SYDE1: variants seen among roughly 807,000 people sequenced by gnomAD.
SYDE1 encodes rho GTPase-activating protein SYDE1.
Under a neutral mutation model 63.3 loss-of-function variants are expected in SYDE1, and 34 were observed. The observed-to-expected ratio is 0.54, with a 90% CI of 0.41 to 0.71. The LOEUF is 0.71. SYDE1 is among the 30% of genes least tolerant of loss of function. The pLI is 0.00. For missense variants in SYDE1, 925 were observed against 1,042.5 expected, an observed-to-expected ratio of 0.89 and a Z score of 1.55; for synonymous variants, 467 against 473.4, an observed-to-expected ratio of 0.99 and a Z score of 0.18.
Position 15,107,535 on chromosome 19 carries a change from G to A in SYDE1, c.88+14G>A. The A allele has an allele frequency of 2.0e-6, 3 of 1,534,280 alleles. No individual in the cohort carries two copies. The highest frequency in any genetic ancestry group is 2.4e-5 in the South Asian group (2 of 83,854). On this transcript the variant is annotated intron_variant, in intron 1 of 7. Coordinates refer to ENST00000342784, the MANE Select transcript of SYDE1 (RefSeq NM_033025.6). ...CCAAGGAGCGCGGTAAGCGGAGATCGGTGGGGAACAGGGGGCGCCGAGCCC... is the reference window on the plus strand; with the variant it reads ...CCAAGGAGCGCGGTAAGCGGAGATCAGTGGGGAACAGGGGGCGCCGAGCCC...
intron 7 of SYDE1, 86 bp from the exon 8 acceptor site, chr19:15,113,474 C>T: frequency 4.8e-6 from 7 of 1,455,270 alleles, no homozygotes; most frequent in Non-Finnish European, 6.4e-6. Flanking sequence ...CCGCTTTCCA[C>T]AGGCCAATCA....
Position 15,109,695 on chromosome 19 carries a change from T to G in SYDE1, c.431-9T>G. The G allele has an allele frequency of 6.8e-7, 1 of 1,474,916 alleles. No individual in the cohort carries two copies. Among genetic ancestry groups the G allele is most frequent in the Non-Finnish European group, 9.0e-7 (1 of 1,110,264 alleles). 91.4% of individuals were successfully genotyped at this position (1,474,916 alleles called of 1,614,324 possible). On this transcript the variant is annotated splice_polypyrimidine_tract_variant and intron_variant, in intron 2 of 7. Transcript: ENST00000342784. This position sits in a 1 kb window ranked among gnomAD's most constrained non-coding sequence, Gnocchi z 5.0. Reference sequence around the variant, plus strand: ...GGTTCCTGGACCCTGAAGTCTGCTCTCCACACAGGTGCAGCCCCCGCCAGC... The same window carrying G: ...GGTTCCTGGACCCTGAAGTCTGCTCGCCACACAGGTGCAGCCCCCGCCAGC...
In SYDE1 at chr19:15,110,362, C is replaced by T; in HGVS notation, c.1075+14C>T. On this transcript the variant is annotated intron_variant, in intron 3 of 7. Transcript: ENST00000342784. This position sits in a 1 kb window ranked among gnomAD's most constrained non-coding sequence, Gnocchi z 6.9. ...CGGTCTTCCGAGGTAGGACATGCGG[C>T]TGCAGGGGAGGAGGGGCAGGGACCC... The T allele has an allele frequency of 2.1e-6, 3 of 1,435,280 alleles. No individual in the cohort carries two copies. The highest frequency in any genetic ancestry group is 2.7e-6 in the Non-Finnish European group (3 of 1,095,926). The allele number at this position is 1,435,280 out of a possible 1,614,324, so 88.9% of individuals were successfully genotyped here. A position where few individuals can be genotyped will look rare whatever the true frequency, so the allele number is the denominator to read the frequency against.
chr19:15,112,452 T>A lies in SYDE1; in HGVS notation c.1685T>A (p.Leu562Gln). 1 of 1,603,480 alleles carries A rather than the reference T, an allele frequency of 6.2e-7. No individual in the cohort carries two copies. The highest frequency in any genetic ancestry group is 8.5e-7 in the Non-Finnish European group (1 of 1,175,472). The change falls in exon 7 of 8, where the codon CTG (leucine) becomes CAG (glutamine). Residue 562 changes from leucine to glutamine, a missense_variant. Physicochemically the swap from Leu to Gln is moderately radical, Grantham distance 113. This residue lies in a region of SYDE1 where 255 missense variants were observed against 255.9 expected (regional missense o/e 1.00). Transcript: ENST00000342784. ...GCCGTGTGCTTCGGGCCTGTGCTGC[T>A]GCCGGCACGCCAGGCGCCCACAAGG... The part of the protein sequence containing the change: ...NLAVCFGPVL[L>Q]PARQAPTRPR...
Position 15,110,606 on chromosome 19 carries a change from C to T in SYDE1, c.1161C>T (p.Ala387=), listed in dbSNP as rs1304232688. The change falls in exon 4 of 8, where the codon GCC becomes GCT. Residue 387 remains alanine, a synonymous_variant. Transcript: ENST00000342784. This position sits in a 1 kb window ranked among gnomAD's most constrained non-coding sequence, Gnocchi z 6.9. ...AKLTLSEQQE[A]PATAEPRVFG... is the part of the protein sequence containing the mutation. ...TGACCCTGTCGGAGCAGCAGGAAGC[C>T]CCTGCCACAGCTGAGCCCCGCGTCT... 1.3e-6 allele frequency: 2 copies of T among 1,596,400 alleles called. No homozygotes were observed. The highest frequency in any genetic ancestry group is 1.7e-6 in the Non-Finnish European group (2 of 1,173,652).
rs753753794 is a variant in SYDE1 at position 15,110,676 on chromosome 19, G to C, written c.1231G>C (p.Gly411Arg). Residue 411 changes from glycine (G) to arginine (R), a missense_variant, in exon 4 of 8, where the codon GGC becomes CGC. Gly to Arg is a moderately radical substitution (Grantham distance 125). This residue lies in a region of SYDE1 where 599 missense variants were observed against 653.7 expected (regional missense o/e 0.92). Transcript: ENST00000342784. The surrounding 1 kb of genome is among the most constrained non-coding windows in gnomAD (Gnocchi z 6.9). ...PLLVERERPP[G>R]QVPLIIQKCV... ...GCTGGTGGAGCGGGAGCGGCCCCCC[G>C]GCCAGGTGCCCCTCATCATCCAGAA... The C allele has an allele frequency of 1.3e-6, 2 of 1,583,092 alleles. No individual in the cohort carries two copies. The highest frequency in any genetic ancestry group is 1.1e-5 in the South Asian group (1 of 87,038).
rs1320673505 is a variant in SYDE1 at position 15,111,286 on chromosome 19, A to G, written c.1291-27A>G. The stretch of plus-strand genomic sequence containing the variant: ...ATTAGTCTGTGGCCCCGGCAAGAAG[A>G]CATTCACTCTCTCTTCCCACCCCCA... On this transcript the variant is annotated intron_variant, in intron 4 of 7. Coordinates refer to ENST00000342784, the MANE Select transcript of SYDE1 (RefSeq NM_033025.6). This position sits in a 1 kb window ranked among gnomAD's most constrained non-coding sequence, Gnocchi z 5.5. 1.2e-6 allele frequency: 2 copies of G among 1,612,992 alleles called. No homozygotes were observed. The highest frequency in any genetic ancestry group is 2.2e-5 in the South Asian group (2 of 91,022).
chr19:15,109,008 C>T lies in SYDE1; in HGVS notation c.89-48C>T. The T allele has an allele frequency of 6.9e-7, 1 of 1,445,562 alleles. No homozygotes were observed. Among genetic ancestry groups the T allele is most frequent in the Non-Finnish European group, 9.0e-7 (1 of 1,105,578 alleles). The allele number at this position is 1,445,562 out of a possible 1,614,324, so 89.5% of individuals were successfully genotyped here. On this transcript the variant is annotated intron_variant, in intron 1 of 7. Transcript: ENST00000342784. This position sits in a 1 kb window ranked among gnomAD's most constrained non-coding sequence, Gnocchi z 5.0. The stretch of plus-strand genomic sequence containing the variant: ...TGATCAATTGCACAGGGCTGCTCTG[C>T]AGGCAGTGAGGGGCTGGGTGGGTCT...
Position 15,110,458 on chromosome 19 carries a change from C to A in SYDE1, c.1076-63C>A. On this transcript the variant is annotated intron_variant, in intron 3 of 7. Coordinates refer to ENST00000342784, the MANE Select transcript of SYDE1 (RefSeq NM_033025.6). This position sits in a 1 kb window ranked among gnomAD's most constrained non-coding sequence, Gnocchi z 6.9. ...TCCGGGCGGAAGGTGTGGCCTGGAG[C>A]AGCGAGGCCAGGGTACATGAAGCTT... is the stretch of plus-strand genomic sequence containing the variant. 6.7e-7 allele frequency: 1 copy of A among 1,503,010 alleles called. No homozygotes were observed. The highest frequency in any genetic ancestry group is 8.9e-7 in the Non-Finnish European group (1 of 1,120,116). 93.1% of individuals were successfully genotyped at this position (1,503,010 alleles called of 1,614,324 possible).
chr19:15,110,452 C>A lies in SYDE1; in HGVS notation c.1076-69C>A. 6.7e-7 allele frequency: 1 copy of A among 1,502,854 alleles called. No homozygotes were observed. Among genetic ancestry groups the A allele is most frequent in the South Asian group, 1.2e-5 (1 of 80,804 alleles). 93.1% of individuals were successfully genotyped at this position (1,502,854 alleles called of 1,614,324 possible). A position where few individuals can be genotyped will look rare whatever the true frequency, so the allele number is the denominator to read the frequency against. On this transcript the variant is annotated intron_variant, in intron 3 of 7. Coordinates refer to ENST00000342784, the MANE Select transcript of SYDE1 (RefSeq NM_033025.6). This position sits in a 1 kb window ranked among gnomAD's most constrained non-coding sequence, Gnocchi z 6.9. Reference sequence around the variant, plus strand: ...CTGGGCTCCGGGCGGAAGGTGTGGCCTGGAGCAGCGAGGCCAGGGTACATG... The same window carrying A: ...CTGGGCTCCGGGCGGAAGGTGTGGCATGGAGCAGCGAGGCCAGGGTACATG...
rs35125109 is a variant in SYDE1 at position 15,114,627 on chromosome 19, G to GCCCCCCCCCCC, written c.*665_*675dup. On this transcript the variant is annotated 3_prime_UTR_variant, in exon 8 of 8. Transcript: ENST00000342784. ...ATCCCCATCTCCTTGCCCCCCCCTTGCCCCCCCCCCCGAAAAAAATTGAGC... is the reference window on the plus strand; with the variant it reads ...ATCCCCATCTCCTTGCCCCCCCCTTGCCCCCCCCCCCCCCCCCCCCCCGAAAAAAATTGAGC... 1 of 94,808 alleles carries GCCCCCCCCCCC rather than the reference G, an allele frequency of 1.1e-5. No individual in the cohort carries two copies. Among genetic ancestry groups the GCCCCCCCCCCC allele is most frequent in the Admixed American group, 1.2e-4 (1 of 8,150 alleles). 5.9% of individuals were successfully genotyped at this position (94,808 alleles called of 1,614,324 possible). A position where few individuals can be genotyped will look rare whatever the true frequency, so the allele number is the denominator to read the frequency against.
chr19:15,113,739 T>C lies in SYDE1; in HGVS notation c.1984T>C (p.Phe662Leu). 1 of 1,613,776 alleles carries C rather than the reference T, an allele frequency of 6.2e-7. No individual in the cohort carries two copies. The highest frequency in any genetic ancestry group is 1.7e-5 in the Admixed American group (1 of 60,010). The change falls in exon 8 of 8, where the codon TTC (phenylalanine) becomes CTC (leucine). Residue 662 changes from phenylalanine to leucine, a missense_variant. Physicochemically the swap from Phe to Leu is conservative, Grantham distance 22 (BLOSUM62 0). Coordinates refer to ENST00000342784, the MANE Select transcript of SYDE1 (RefSeq NM_033025.6). Reference sequence around the variant, plus strand: ...CGACTGGAGCGTTTGCGGGCGGGACTTCCTGCCCTGTGGGCGGGATTTCCT... The same window carrying C: ...CGACTGGAGCGTTTGCGGGCGGGACCTCCTGCCCTGTGGGCGGGATTTCCT... ...AGDWSVCGRDFLPCGRDFLSG... is the reference protein window; with the variant it reads ...AGDWSVCGRDLLPCGRDFLSG...
rs2046327896 is a variant in SYDE1 at position 15,109,501 on chromosome 19, C to T, written c.430+104C>T. The T allele has an allele frequency of 7.6e-7, 1 of 1,315,524 alleles. No individual in the cohort carries two copies. The highest frequency in any genetic ancestry group is 1.5e-5 in the South Asian group (1 of 65,190). 81.5% of individuals were successfully genotyped at this position (1,315,524 alleles called of 1,614,324 possible). A position where few individuals can be genotyped will look rare whatever the true frequency, so the allele number is the denominator to read the frequency against. Reference sequence around the variant, plus strand: ...CACACTCCCTCCTCCCAGAGGAGCACCAACCTCACACTCCTTCCCTTCAGG... The same window carrying T: ...CACACTCCCTCCTCCCAGAGGAGCATCAACCTCACACTCCTTCCCTTCAGG... On this transcript the variant is annotated intron_variant, in intron 2 of 7. Transcript: ENST00000342784. This position sits in a 1 kb window ranked among gnomAD's most constrained non-coding sequence, Gnocchi z 5.0.
At position 15,111,609 on chromosome 19, in the gene SYDE1, C is replaced by T; in HGVS notation, c.1418-23C>T. 6.2e-7 allele frequency: 1 copy of T among 1,613,298 alleles called. No homozygotes were observed. Among genetic ancestry groups the T allele is most frequent in the Non-Finnish European group, 8.5e-7 (1 of 1,179,792 alleles). ...CCTTAGAAGCCAGTGGTGCCCTGACCAGAGGGGACCCTGTGTTCACAGGCA... is the reference window on the plus strand; with the variant it reads ...CCTTAGAAGCCAGTGGTGCCCTGACTAGAGGGGACCCTGTGTTCACAGGCA... On this transcript the variant is annotated intron_variant, in intron 5 of 7. Transcript: ENST00000342784. The surrounding 1 kb of genome is among the most constrained non-coding windows in gnomAD (Gnocchi z 5.5).
intron 7 of SYDE1, among the ~76,000 whole-genome samples, chr19:15,113,129 C>T (rs2046356337): frequency 6.6e-6 from 1 of 152,206 alleles, no homozygotes; most frequent in South Asian, 2.1e-4. Flanking sequence ...GTCTTGAACT[C>T]CTGACCTCAA....
rs1469781110 is a variant in SYDE1, at chr19:15,113,906, C to T, written c.2151C>T (p.Asp717=). ...FNPHLNLKDF[D]ALILDLEREL... ...CGCACCTGAATCTCAAAGACTTCGA[C>T]GCCCTCATCCTGGATCTGGAGAGAG... is the stretch of plus-strand genomic sequence containing the variant. The change falls in exon 8 of 8, where the codon GAC becomes GAT. Residue 717 remains aspartate, a synonymous_variant. Coordinates refer to ENST00000342784, the MANE Select transcript of SYDE1 (RefSeq NM_033025.6). 3.7e-6 allele frequency: 6 copies of T among 1,614,012 alleles called. No individual in the cohort carries two copies. The highest frequency in any genetic ancestry group is 2.7e-5 in the African/African-American group (2 of 74,954).
At position 15,113,548 on chromosome 19, in the gene SYDE1, G is replaced by C. The variant is rs772575706; in HGVS notation, c.1805-12G>C. ...GTCGCCTCTTTCTATGACCTACCCT[G>C]TCTCCCTTCAGATCCCCGCCTGCCC... On this transcript the variant is annotated splice_polypyrimidine_tract_variant and intron_variant, in intron 7 of 7. Coordinates refer to ENST00000342784, the MANE Select transcript of SYDE1 (RefSeq NM_033025.6). The C allele has an allele frequency of 6.5e-7, 1 of 1,534,478 alleles. No individual in the cohort carries two copies. Among genetic ancestry groups the C allele is most frequent in the Admixed American group, 2.0e-5 (1 of 50,552 alleles).
In SYDE1 at chr19:15,110,364, G is replaced by T. The variant is rs1206155534; in HGVS notation, c.1075+16G>T. The stretch of plus-strand genomic sequence containing the variant: ...GTCTTCCGAGGTAGGACATGCGGCT[G>T]CAGGGGAGGAGGGGCAGGGACCCCC... On this transcript the variant is annotated intron_variant, in intron 3 of 7. Transcript: ENST00000342784. The surrounding 1 kb of genome is among the most constrained non-coding windows in gnomAD (Gnocchi z 6.9). 2.1e-6 allele frequency: 3 copies of T among 1,435,232 alleles called. No homozygotes were observed. The highest frequency in any genetic ancestry group is 5.5e-5 in the Admixed American group (2 of 36,060). The allele number at this position is 1,435,232 out of a possible 1,614,324, so 88.9% of individuals were successfully genotyped here. A position where few individuals can be genotyped will look rare whatever the true frequency, so the allele number is the denominator to read the frequency against.
chr19:15,114,231 C>G lies in SYDE1; in HGVS notation c.*268C>G. The G allele has an allele frequency of 2.2e-6, 1 of 452,530 alleles. No homozygotes were observed. The highest frequency in any genetic ancestry group is 3.9e-6 in the Non-Finnish European group (1 of 254,260). 28.0% of individuals were successfully genotyped at this position (452,530 alleles called of 1,614,324 possible). On this transcript the variant is annotated 3_prime_UTR_variant, in exon 8 of 8. Coordinates refer to ENST00000342784, the MANE Select transcript of SYDE1 (RefSeq NM_033025.6). Reference sequence around the variant, plus strand: ...CTTTCCTGAGCACCAAGGGCTTCCCCTTTTGTTGCCAAAAAGGTAGTTCTC... The same window carrying G: ...CTTTCCTGAGCACCAAGGGCTTCCCGTTTTGTTGCCAAAAAGGTAGTTCTC...
Sources: allele counts gnomAD v4.1 joint callset (sites outside exome capture counted in the v4.1 genomes callset), GRCh38; gene constraint gnomAD v4.1.1; regional missense constraint gnomAD v4.1.1; non-coding constraint Gnocchi (gnomAD v3.1); transcripts MANE v1.5; gene names NCBI Gene and HGNC (gene_info 2026-07-23, HGNC 2026-07-21).